Variants in JCHAIN observed in about 807,000 individuals in gnomAD.
The protein encoded by JCHAIN is immunoglobulin J chain.
Under a neutral mutation model 11.1 loss-of-function variants are expected in JCHAIN, and 5 were observed. The observed-to-expected ratio is 0.45, with a 90% CI of 0.24 to 0.95. The LOEUF is 0.95. Among genes scored for constraint, JCHAIN ranks in the 40% least tolerant of loss-of-function variants. JCHAIN has a pLI of 0.21. For synonymous variants in JCHAIN, 51 were observed against 67.8 expected, an observed-to-expected ratio of 0.75 and a Z score of 1.22; for missense variants, 165 against 192.7, an observed-to-expected ratio of 0.86 and a Z score of 0.85.
At chr4:70,661,117 T>A (rs1034558623) in intron 2 of JCHAIN, among the ~76,000 whole-genome samples, 1 of 152,238 alleles carries the variant, frequency 6.6e-6, no homozygotes, top group African/African-American at 2.4e-5. Context: ...TTGAATGGAA[T>A]GGAATGCTCT....
At position 70,656,291 on chromosome 4, in the gene JCHAIN, C is replaced by G. The variant is rs373594444; in HGVS notation, c.*38G>C. ...CTTTCTGAATCAAAATGGAGAGCCT[C>G]TCAAGAAAAAGAGCTATGCAGTCAG... On this transcript the variant is annotated 3_prime_UTR_variant, in exon 4 of 4. Coordinates refer to ENST00000254801, the MANE Select transcript of JCHAIN (RefSeq NM_144646.4). 7.8e-5 allele frequency: 108 copies of G among 1,381,224 alleles called. No individual in the cohort carries two copies. Among genetic ancestry groups the G allele is most frequent in the Non-Finnish European group, 1.1e-4 (104 of 974,334 alleles). 85.6% of individuals were successfully genotyped at this position (1,381,224 alleles called of 1,614,324 possible).
At position 70,666,456 on chromosome 4, in the gene JCHAIN, G is replaced by A. The variant is rs377277594; in HGVS notation, c.35C>T (p.Ala12Val). 30 of 1,612,670 alleles carry A rather than the reference G, an allele frequency of 1.9e-5. No homozygotes were observed. Among genetic ancestry groups the A allele is most frequent in the Middle Eastern group, 3.3e-4 (2 of 6,080 alleles). ...KNHLLFWGVL[A>V]VFIKAVHVKA... Reference sequence around the variant, plus strand: ...CACATGAACAGCCTTAATAAAAACCGCCAGGACTCCCCAGAAAAGCAAATG... The same window carrying A: ...CACATGAACAGCCTTAATAAAAACCACCAGGACTCCCCAGAAAAGCAAATG... The change falls in exon 1 of 4, where the codon GCG becomes GTG. Residue 12 changes from alanine (A) to valine (V), a missense_variant. Physicochemically the swap from Ala to Val is moderately conservative, Grantham distance 64. Transcript: ENST00000254801.
At chr4:70,662,071 G>C in intron 2 of JCHAIN, 21 bp downstream of exon 2, 1 of 1,611,404 alleles carries the variant, frequency 6.2e-7, no homozygotes, top group Non-Finnish European at 8.5e-7. Flanking sequence ...AGGAAAAAAA[G>C]GAATATGGAA....
In JCHAIN at chr4:70,656,553, A is replaced by G; in HGVS notation, c.270-14T>C. ...CATTTTTTACAGCTGAAAAGCAAATATATGTATTAGACAATCCCCTCAAAT... is the reference window on the plus strand; with the variant it reads ...CATTTTTTACAGCTGAAAAGCAAATGTATGTATTAGACAATCCCCTCAAAT... On this transcript the variant is annotated splice_polypyrimidine_tract_variant and intron_variant, in intron 3 of 3. Transcript: ENST00000254801. 1 of 1,588,980 alleles carries G rather than the reference A, an allele frequency of 6.3e-7. No homozygotes were observed. Among genetic ancestry groups the G allele is most frequent in the Non-Finnish European group, 8.6e-7 (1 of 1,158,716 alleles).
At chr4:70,660,888 T>C (rs1739041929) in intron 2 of JCHAIN, among the ~76,000 whole-genome samples, 2 of 152,214 alleles carry the variant, frequency 1.3e-5, no homozygotes, top group African/African-American at 2.4e-5. Context: ...GTAAATATTT[T>C]TTAATATGTC....
Position 70,655,633 on chromosome 4 carries a change from T to C in JCHAIN, c.*696A>G, listed in dbSNP as rs1017835231. The C allele has an allele frequency of 6.6e-6, 1 of 152,178 alleles. No individual in the cohort carries two copies. Among genetic ancestry groups the C allele is most frequent in the Middle Eastern group, 3.2e-3 (1 of 316 alleles). The allele number at this position is 152,178 out of a possible 1,614,324, so 9.4% of individuals were successfully genotyped here. On this transcript the variant is annotated 3_prime_UTR_variant, in exon 4 of 4. Coordinates refer to ENST00000254801, the MANE Select transcript of JCHAIN (RefSeq NM_144646.4). ...TCATAAGGTTCAGTTACAAAATGGA[T>C]TGTTTCAAATGGCAATTTCTTACAC...
At position 70,662,119 on chromosome 4, in the gene JCHAIN, T is replaced by C. The variant is rs1225764459; in HGVS notation, c.161A>G (p.Asp54Gly). ...AATTCGGATGTTTCTCTCCACAATG[T>C]CCTCATTAGGATCTTCGGAAGAACG... ...IIRSSEDPNEDIVERNIRIIV... is the reference protein window; with the variant it reads ...IIRSSEDPNEGIVERNIRIIV... Residue 54 changes from aspartate (D) to glycine (G), a missense_variant, in exon 2 of 4, where the codon GAC becomes GGC. Asp to Gly is a moderately conservative substitution (Grantham distance 94, BLOSUM62 -1). Coordinates refer to ENST00000254801, the MANE Select transcript of JCHAIN (RefSeq NM_144646.4). 3 of 1,613,768 alleles carry C rather than the reference T, an allele frequency of 1.9e-6. No individual in the cohort carries two copies. The South Asian group carries it at 3.3e-5, about 18-fold the overall frequency.
At position 70,656,200 on chromosome 4, in the gene JCHAIN, G is replaced by T; in HGVS notation, c.*129C>A. ...TTAATTATTTTGGTGGCAGGGAGTT[G>T]GTTTTACATCACCCAAAAAAAAAAA... On this transcript the variant is annotated 3_prime_UTR_variant, in exon 4 of 4. Coordinates refer to ENST00000254801, the MANE Select transcript of JCHAIN (RefSeq NM_144646.4). 1 of 632,958 alleles carries T rather than the reference G, an allele frequency of 1.6e-6. No homozygotes were observed. Among genetic ancestry groups the T allele is most frequent in the Non-Finnish European group, 2.8e-6 (1 of 357,632 alleles). The allele number at this position is 632,958 out of a possible 1,614,324, so 39.2% of individuals were successfully genotyped here.
chr4:70,659,163 AATT>A (rs1337239081), intron 2 of JCHAIN, among the ~76,000 whole-genome samples: 2 of 152,210 alleles, frequency 1.3e-5, no homozygotes, highest in African/African-American at 4.8e-5. Context: ...ATACATGCAT[AATT>A]ATCCCTTTTT....
intron 2 of JCHAIN, among the ~76,000 whole-genome samples, chr4:70,658,758 C>T (rs1050671776): frequency 1.6e-4 from 24 of 152,184 alleles, no homozygotes; most frequent in African/African-American, 4.8e-4. Context: ...CCCTTTCCTG[C>T]CTCCCACTGC....
chr4:70,665,281 C>A (rs547274673), intron 1 of JCHAIN, among the ~76,000 whole-genome samples: 17 of 152,232 alleles, frequency 1.1e-4, no homozygotes, highest in African/African-American at 3.9e-4. Flanking sequence ...CTCTGTAAGT[C>A]TCAACTGGCT....
At chr4:70,661,347 T>G (rs1739055566) in intron 2 of JCHAIN, among the ~76,000 whole-genome samples, 1 of 152,192 alleles carries the variant, frequency 6.6e-6, no homozygotes, top group African/African-American at 2.4e-5. Context: ...CAAATCAAAT[T>G]AATGTGATCA....
rs199758726 is a variant in JCHAIN, at chr4:70,662,164, C to T, written c.116G>A (p.Arg39Gln). 5.5e-5 allele frequency: 88 copies of T among 1,612,918 alleles called. No homozygotes were observed. Among genetic ancestry groups the T allele is most frequent in the Non-Finnish European group, 6.4e-5 (75 of 1,179,066 alleles). Residue 39 changes from arginine (R) to glutamine (Q), a missense_variant, in exon 2 of 4, where the codon CGG (arginine) becomes CAG (glutamine). Coordinates refer to ENST00000254801, the MANE Select transcript of JCHAIN (RefSeq NM_144646.4). The part of the protein sequence containing the change: ...VLVDNKCKCA[R>Q]ITSRIIRSSE... Reference sequence around the variant, plus strand: ...AGAACGGATGATCCTGGAAGTAATCCGGGCACACTTACATTTGTTGTCAAC... The same window carrying T: ...AGAACGGATGATCCTGGAAGTAATCTGGGCACACTTACATTTGTTGTCAAC...
intron 2 of JCHAIN, among the ~76,000 whole-genome samples, chr4:70,660,677 C>T (rs150283889): frequency 6.6e-6 from 1 of 152,244 alleles, no homozygotes; most frequent in East Asian, 1.9e-4. Context: ...AGCCACCGTG[C>T]CCAGCCCCAG....
chr4:70,664,519 A>C (rs931836563), intron 1 of JCHAIN, among the ~76,000 whole-genome samples: 14 of 152,176 alleles, frequency 9.2e-5, no homozygotes, highest in Non-Finnish European at 7.4e-5. Context: ...TGTACTTGTA[A>C]TTGTTTGAAG....
rs1196162493 is a variant in JCHAIN at position 70,656,519 on chromosome 4, G to C, written c.290C>G (p.Thr97Arg). ...TATCTGATTATCCAGCTCCACTTCT[G>C]TAGGATCACATTTTTTACAGCTGAA... ...LSDLCKKCDP[T>R]EVELDNQIVT... The change falls in exon 4 of 4, where the codon ACA (threonine) becomes AGA (arginine). Residue 97 changes from threonine to arginine, a missense_variant. Thr to Arg is a moderately conservative substitution (Grantham distance 71). Coordinates refer to ENST00000254801, the MANE Select transcript of JCHAIN (RefSeq NM_144646.4). 2.5e-6 allele frequency: 4 copies of C among 1,612,818 alleles called. No individual in the cohort carries two copies. The highest frequency in any genetic ancestry group is 3.4e-6 in the Non-Finnish European group (4 of 1,179,622).
intron 1 of JCHAIN, among the ~76,000 whole-genome samples, chr4:70,663,827 C>T (rs1222571726): frequency 6.6e-6 from 1 of 151,694 alleles, no homozygotes; most frequent in East Asian, 2.0e-4. Flanking sequence ...TCCCAAAGTG[C>T]TGGGATTATG....
chr4:70,659,666 A>G (rs1290500884), intron 2 of JCHAIN, among the ~76,000 whole-genome samples: 1 of 150,254 alleles, frequency 6.7e-6, no homozygotes. Context: ...GTTCGAGACT[A>G]GCCTGGCCAA....
At chr4:70,659,580 A>AAAAC (rs1739016666) in intron 2 of JCHAIN, among the ~76,000 whole-genome samples, 1 of 142,058 alleles carries the variant, frequency 7.0e-6, no homozygotes, top group East Asian at 2.0e-4. Context: ...AAAAAAAAAA[A>AAAAC]GCCAGGCACG....
Sources: allele counts gnomAD v4.1 joint callset (sites outside exome capture counted in the v4.1 genomes callset), GRCh38; gene constraint gnomAD v4.1.1; transcripts MANE v1.5; gene names NCBI Gene and HGNC (gene_info 2026-07-23, HGNC 2026-07-21).